GLIS3: variants seen among roughly 807,000 people sequenced by gnomAD.
GLIS3 encodes GLIS family zinc finger 3.
In GLIS3, 53 loss-of-function variants were observed where a neutral mutation model predicts 78.6. That is an observed-to-expected ratio of 0.67 (90% CI 0.54 to 0.85). The LOEUF (loss-of-function observed/expected upper bound fraction) is 0.85, where lower values mean the gene tolerates loss of function less well. GLIS3 is among the 40% of genes least tolerant of loss of function. GLIS3 has a pLI of 0.00. For missense variants in GLIS3, 1,703 were observed against 1,231.1 expected (o/e 1.38, Z -5.74); for synonymous variants, 684 against 509.9 (o/e 1.34, Z -4.60).
the GLIS3 span, among the ~76,000 whole-genome samples, chr9:4,424,428 AT>A: frequency 1.8e-3 from 280 of 152,350 alleles, 1 homozygote; most frequent in African/African-American, 6.2e-3. Flanking sequence ...CAGGCAACAG[AT>A]TCTAGCCTAG....
the GLIS3 span, among the ~76,000 whole-genome samples, chr9:4,413,706 C>A: frequency 6.6e-6 from 1 of 152,078 alleles, no homozygotes; most frequent in Admixed American, 6.6e-5. Flanking sequence ...CTCCCTAACA[C>A]GGGGGACTCA....
intron 2 of GLIS3, among the ~76,000 whole-genome samples, chr9:4,258,825 G>A (rs1040424909): frequency 2.0e-5 from 3 of 152,140 alleles, no homozygotes; most frequent in African/African-American, 7.2e-5. Flanking sequence ...TACCCCAGCA[G>A]GACATTACTT....
chr9:4,251,034 T>C (rs2129862119), intron 2 of GLIS3, among the ~76,000 whole-genome samples: 1 of 152,312 alleles, frequency 6.6e-6, no homozygotes, highest in South Asian at 2.1e-4. Flanking sequence ...AACTATGTGG[T>C]CAATTTTAGA....
At chr9:3,917,558 G>A (rs1215851145) in intron 6 of GLIS3, among the ~76,000 whole-genome samples, 4 of 151,696 alleles carry the variant, frequency 2.6e-5, no homozygotes, top group African/African-American at 9.7e-5. Context: ...ATGAGCTCCA[G>A]TATAAATTGT....
intron 7 of GLIS3, among the ~76,000 whole-genome samples, chr9:3,886,945 T>C (rs1822121029): frequency 6.6e-6 from 1 of 152,184 alleles, no homozygotes; most frequent in African/African-American, 2.4e-5. Flanking sequence ...TAATGTCTGA[T>C]CATTTCCCCC....
intron 8 of GLIS3, chr9:3,878,696 G>T (rs1310102633): frequency 6.6e-6 from 1 of 152,496 alleles, no homozygotes. Context: ...GTGTTGGACA[G>T]CTCGGAGAGG....
rs575515750 is a variant in GLIS3, at chr9:4,264,944, A to T, written c.388+21094T>A. Among the ~76,000 whole-genome samples the T allele has an allele frequency of 5.3e-3, 805 of 152,054 alleles. 8 individuals are homozygous for T. Among genetic ancestry groups the T allele is most frequent in the Non-Finnish European group, 8.0e-3 (543 of 67,954 alleles). On this transcript the variant is annotated intron_variant, in intron 2 of 10. Coordinates refer to ENST00000381971, the MANE Select transcript of GLIS3 (RefSeq NM_001042413.2). ...CACGGTGGGATGCCCAGGTGGGTGG[A>T]TCACGAGGTCAGGAGATCGAGACCA...
At chr9:4,366,446 T>A in the GLIS3 span, among the ~76,000 whole-genome samples, 1 of 152,114 alleles carries the variant, frequency 6.6e-6, no homozygotes, top group Non-Finnish European at 1.5e-5. Context: ...GCCAAATAAT[T>A]GGCTTGACTA....
At chr9:4,171,610 C>T (rs1275060013) in intron 2 of GLIS3, among the ~76,000 whole-genome samples, 3 of 152,188 alleles carry the variant, frequency 2.0e-5, no homozygotes, top group Non-Finnish European at 4.4e-5. Context: ...GAACTGCTTA[C>T]ATCATTTAGT....
intron 9 of GLIS3, among the ~76,000 whole-genome samples, chr9:3,835,427 G>T (rs756463001): frequency 2.7e-4 from 41 of 152,198 alleles, no homozygotes; most frequent in Admixed American, 6.5e-4. Flanking sequence ...TGGAAATAAT[G>T]CTGGGTGTTC....
At chr9:4,446,219 T>C in the GLIS3 span, among the ~76,000 whole-genome samples, 5 of 152,182 alleles carry the variant, frequency 3.3e-5, no homozygotes, top group African/African-American at 9.7e-5. Flanking sequence ...GGTAAATAAT[T>C]AAGCCATGAG....
chr9:4,119,774 A>T (rs1832042167), intron 3 of GLIS3, among the ~76,000 whole-genome samples: 1 of 152,236 alleles, frequency 6.6e-6, no homozygotes, highest in Admixed American at 6.5e-5. Flanking sequence ...CTCACAATAT[A>T]TTATCTGCAT....
chr9:4,381,454 C>T, the GLIS3 span, among the ~76,000 whole-genome samples: 13 of 152,204 alleles, frequency 8.5e-5, 1 homozygote, highest in Middle Eastern at 6.8e-3. Flanking sequence ...ACCAACCGGA[C>T]GGACAAATGG....
chr9:3,940,295 A>G (rs1055098175), intron 4 of GLIS3, among the ~76,000 whole-genome samples: 9 of 152,042 alleles, frequency 5.9e-5, no homozygotes, highest in Non-Finnish European at 1.3e-4. Flanking sequence ...ACGTTTTCCA[A>G]TTCTTTAATG....
At chr9:4,386,053 A>G in the GLIS3 span, among the ~76,000 whole-genome samples, 1 of 152,144 alleles carries the variant, frequency 6.6e-6, no homozygotes, top group Admixed American at 6.5e-5. Context: ...GTGACAAACT[A>G]CCTCTGGGGT....
chr9:3,937,462 C>A (rs1825961393), intron 4 of GLIS3, among the ~76,000 whole-genome samples: 1 of 152,088 alleles, frequency 6.6e-6, no homozygotes, highest in South Asian at 2.1e-4. Flanking sequence ...TCACCGTGAG[C>A]CATCTGGCTC....
At chr9:3,987,343 G>T (rs1819822361) in intron 4 of GLIS3, among the ~76,000 whole-genome samples, 1 of 151,918 alleles carries the variant, frequency 6.6e-6, no homozygotes, top group Non-Finnish European at 1.5e-5. Flanking sequence ...ACTAGAAAAA[G>T]ACCCAACATT....
At chr9:3,915,190 C>T (rs925841620) in intron 6 of GLIS3, among the ~76,000 whole-genome samples, 1 of 152,186 alleles carries the variant, frequency 6.6e-6, no homozygotes, top group Non-Finnish European at 1.5e-5. Flanking sequence ...AAGTCATCTT[C>T]ATGTTTATCA....
At chr9:4,131,518 G>T (rs1832972379) in intron 2 of GLIS3, among the ~76,000 whole-genome samples, 1 of 152,100 alleles carries the variant, frequency 6.6e-6, no homozygotes, top group African/African-American at 2.4e-5. Context: ...TCGTGTTAGA[G>T]TTCCCATGAG....
Sources: gnomAD v4.1 joint callset for allele counts (sites outside exome capture counted in the v4.1 genomes callset) on GRCh38, gnomAD v4.1.1 for gene constraint, MANE v1.5 for transcripts, NCBI Gene and HGNC (gene_info 2026-07-23, HGNC 2026-07-21) for gene names.